The following COG5 variants were observed in gnomAD, a reference collection of about 807,000 sequenced individuals.
The protein encoded by COG5 is component of oligomeric golgi complex 5.
A neutral mutation model predicts 110.4 loss-of-function variants in COG5; 86 were observed. That is an observed-to-expected ratio of 0.78 (90% CI 0.65 to 0.93). The LOEUF (loss-of-function observed/expected upper bound fraction) is 0.93. Among genes scored for constraint, COG5 ranks in the 40% least tolerant of loss-of-function variants. COG5 has a pLI of 0.00. For synonymous variants in COG5, 360 were observed against 334.6 expected (o/e 1.08, Z -0.83); for missense variants, 1,077 against 987.0 (o/e 1.09, Z -1.22).
At chr7:107,430,847 G>C (rs1186963361) in intron 6 of COG5, among the ~76,000 whole-genome samples, 1 of 152,052 alleles carries the variant, frequency 6.6e-6, no homozygotes, top group African/African-American at 2.4e-5. Flanking sequence ...ATCCTGGATA[G>C]GCCCTAATAA....
chr7:107,401,063 C>T (rs1791387829), intron 7 of COG5, among the ~76,000 whole-genome samples: 1 of 152,054 alleles, frequency 6.6e-6, no homozygotes, highest in African/African-American at 2.4e-5. Context: ...AGGCTTTGCA[C>T]ACTACGTATG....
chr7:107,392,458 A>C (rs1790690095), intron 7 of COG5, among the ~76,000 whole-genome samples: 1 of 152,168 alleles, frequency 6.6e-6, no homozygotes, highest in Non-Finnish European at 1.5e-5. Flanking sequence ...TAGGGCTTCA[A>C]GTCTGATTTT....
At chr7:107,362,579 A>G (rs912519301) in intron 8 of COG5, among the ~76,000 whole-genome samples, 159 bp from the exon 9 acceptor site, 1 of 152,202 alleles carries the variant, frequency 6.6e-6, no homozygotes, top group African/African-American at 2.4e-5. Context: ...TATGCTTAAG[A>G]AAGAAAGGGA....
intron 21 of COG5, among the ~76,000 whole-genome samples, chr7:107,205,888 A>T (rs1798734919): frequency 1.3e-5 from 2 of 152,028 alleles, no homozygotes; most frequent in South Asian, 4.2e-4. Context: ...TGCTCTGGTC[A>T]GGGCAGGAGT....
At chr7:107,466,221 C>T (rs1038477429) in intron 6 of COG5, among the ~76,000 whole-genome samples, 2 of 151,960 alleles carry the variant, frequency 1.3e-5, no homozygotes, top group African/African-American at 4.8e-5. Flanking sequence ...GAAAACTGGA[C>T]ATGAAGGTAA....
intron 14 of COG5, among the ~76,000 whole-genome samples, chr7:107,270,628 T>TACAC (rs112944834): frequency 2.0e-3 from 296 of 150,714 alleles, no homozygotes; most frequent in African/African-American, 6.1e-3. Flanking sequence ...AAAGATGTTA[T>TACAC]ACACACACAC....
chr7:107,324,784 G>A (rs974250779), intron 10 of COG5, among the ~76,000 whole-genome samples: 1 of 151,966 alleles, frequency 6.6e-6, no homozygotes, highest in Admixed American at 6.6e-5. Flanking sequence ...AGCCATTCAG[G>A]GCCTTTGTTC....
intron 7 of COG5, among the ~76,000 whole-genome samples, chr7:107,373,195 T>C (rs1489711699): frequency 6.6e-6 from 1 of 152,180 alleles, no homozygotes; most frequent in Admixed American, 6.5e-5. Flanking sequence ...TATATTTCAC[T>C]GACCCATTAA....
At chr7:107,259,610 C>T (rs1355726667) in intron 14 of COG5, among the ~76,000 whole-genome samples, 2 of 152,034 alleles carry the variant, frequency 1.3e-5, no homozygotes, top group South Asian at 4.2e-4. Context: ...AAATGCTAAA[C>T]ATACATCTGA....
At position 107,245,857 on chromosome 7, in the gene COG5, C is replaced by T. The variant is rs544389763; in HGVS notation, c.1853+2539G>A. Among the ~76,000 whole-genome samples, 10 of 152,150 alleles carry T rather than the reference C, an allele frequency of 6.6e-5. 3 individuals are homozygous for T. Among genetic ancestry groups the T allele is most frequent in the African/African-American group, 2.4e-4 (10 of 41,528 alleles). On this transcript the variant is annotated intron_variant, in intron 17 of 21. Coordinates refer to ENST00000297135, the MANE Select transcript of COG5 (RefSeq NM_006348.5). Reference sequence around the variant, plus strand: ...ATGATATTCTTCACAGAACGAAAAACAAACTATTTTAAAATTCAGATGGGA... The same window carrying T: ...ATGATATTCTTCACAGAACGAAAAATAAACTATTTTAAAATTCAGATGGGA...
chr7:107,260,679 C>A (rs1803262702), intron 14 of COG5, among the ~76,000 whole-genome samples: 1 of 151,802 alleles, frequency 6.6e-6, no homozygotes, highest in Admixed American at 6.6e-5. Flanking sequence ...TTCAAAAGAC[C>A]TACAAAGCTA....
chr7:107,542,306 AAAAC>A, intron 5 of COG5, among the ~76,000 whole-genome samples: 1 of 152,320 alleles, frequency 6.6e-6, no homozygotes, highest in East Asian at 1.9e-4. Flanking sequence ...AGCTCTTAGA[AAAAC>A]AAAACCACAA....
chr7:107,401,122 C>T (rs1791391619), intron 7 of COG5, among the ~76,000 whole-genome samples: 1 of 151,904 alleles, frequency 6.6e-6, no homozygotes, highest in Admixed American at 6.6e-5. Context: ...AAAAATAATT[C>T]TTAGCACTGC....
chr7:107,267,990 C>T (rs1238757976), intron 14 of COG5, among the ~76,000 whole-genome samples: 1 of 152,054 alleles, frequency 6.6e-6, no homozygotes, highest in African/African-American at 2.4e-5. Context: ...TTTTTTGAGA[C>T]GGAGTTTCGC....
At position 107,478,708 on chromosome 7, in the gene COG5, C is replaced by T. The variant is rs1797134121; in HGVS notation, c.538+48529G>A. Reference sequence around the variant, plus strand: ...GTTCAATACTATCCATAGTTTCAGACATCCTCTGGTGGTCTTGGGATGTAT... The same window carrying T: ...GTTCAATACTATCCATAGTTTCAGATATCCTCTGGTGGTCTTGGGATGTAT... On this transcript the variant is annotated intron_variant, in intron 6 of 21. Transcript: ENST00000297135. 2.0e-5 allele frequency among the ~76,000 whole-genome samples: 3 copies of T among 151,942 alleles called. No homozygotes were observed. The South Asian group carries it at 6.2e-4, about 31-fold the overall frequency.
rs576843322 is a variant in COG5, at chr7:107,333,621, G to A, written c.1027-9100C>T. 3.0e-4 allele frequency among the ~76,000 whole-genome samples: 46 copies of A among 152,212 alleles called. 1 individual carries two copies. In the South Asian group the frequency reaches 8.7e-3, roughly 29 times the overall value. The stretch of plus-strand genomic sequence containing the variant: ...ATACATTTTGAAGGTAGAACAGATA[G>A]CATTTATTAAAATAAATACAGATAA... On this transcript the variant is annotated intron_variant, in intron 10 of 21. Coordinates refer to ENST00000297135, the MANE Select transcript of COG5 (RefSeq NM_006348.5).
intron 6 of COG5, among the ~76,000 whole-genome samples, chr7:107,415,175 G>A (rs1022503065): frequency 6.6e-6 from 1 of 152,202 alleles, no homozygotes; most frequent in East Asian, 1.9e-4. Context: ...AAAACTAGAT[G>A]AATGAGGAAT....
chr7:107,329,672 G>A (rs1810075828), intron 10 of COG5, among the ~76,000 whole-genome samples: 2 of 152,034 alleles, frequency 1.3e-5, no homozygotes, highest in South Asian at 2.1e-4. Flanking sequence ...TGGGAGGATC[G>A]CTTGAGGCCA....
intron 19 of COG5, among the ~76,000 whole-genome samples, chr7:107,213,586 G>A (rs1009741778): frequency 1.1e-4 from 16 of 152,138 alleles, no homozygotes; most frequent in South Asian, 2.1e-4. Context: ...CAGCAGCTCC[G>A]CCTGATTGCA....
Sources: allele counts gnomAD v4.1 joint callset (sites outside exome capture counted in the v4.1 genomes callset), GRCh38; gene constraint gnomAD v4.1.1; transcripts MANE v1.5; gene names NCBI Gene and HGNC (gene_info 2026-07-23, HGNC 2026-07-21).